The following RUNX1 variants were observed in gnomAD, a reference collection of about 807,000 sequenced individuals.
The protein encoded by RUNX1 is RUNX family transcription factor 1.
Under a neutral mutation model 42.8 loss-of-function variants are expected in RUNX1, and 19 were observed. That is an observed-to-expected ratio of 0.44 (90% CI 0.31 to 0.65). The LOEUF (loss-of-function observed/expected upper bound fraction) is 0.65. RUNX1 is among the 30% of genes least tolerant of loss of function. RUNX1 has a pLI of 0.07. For synonymous variants in RUNX1, 271 were observed against 289.4 expected, an observed-to-expected ratio of 0.94 and a Z score of 0.64; for missense variants, 528 against 672.0, an observed-to-expected ratio of 0.79 and a Z score of 2.37.
intron 2 of RUNX1, among the ~76,000 whole-genome samples, chr21:35,021,494 G>C (rs562046374): frequency 1.3e-5 from 2 of 152,164 alleles, no homozygotes; most frequent in Non-Finnish European, 2.9e-5. Flanking sequence ...AGCACTATGC[G>C]TGTGCACATA....
Position 34,792,710 on chromosome 21 carries a change from TAGG to T in RUNX1, c.968-103_968-101del, listed in dbSNP as rs2056465214. 1.6e-6 allele frequency: 2 copies of T among 1,218,502 alleles called. No homozygotes were observed. The highest frequency in any genetic ancestry group is 3.0e-5 in the African/African-American group (2 of 65,676). The allele number at this position is 1,218,502 out of a possible 1,614,324, so 75.5% of individuals were successfully genotyped here. ...GGGGGCTACCCAGGATGATACCGCC[TAGG>T]AGGATGGGAAGCCACCCAGGATGCT... On this transcript the variant is annotated intron_variant, in intron 8 of 8. Transcript: ENST00000675419. This position sits in a 1 kb window ranked among gnomAD's most constrained non-coding sequence, Gnocchi z 6.9.
At chr21:35,041,771 T>C (rs1425278692) in intron 2 of RUNX1, among the ~76,000 whole-genome samples, 1 of 151,942 alleles carries the variant, frequency 6.6e-6, no homozygotes, top group African/African-American at 2.4e-5. Flanking sequence ...CATCTGTAAC[T>C]TGCAGAAATT....
chr21:34,958,651 A>C (rs2058662292), intron 2 of RUNX1, among the ~76,000 whole-genome samples: 1 of 152,246 alleles, frequency 6.6e-6, no homozygotes, highest in South Asian at 2.1e-4. Flanking sequence ...GTGATTCCTC[A>C]GGGATCTAGA....
intron 2 of RUNX1, among the ~76,000 whole-genome samples, chr21:34,897,423 G>A (rs2146472419): frequency 6.6e-6 from 1 of 152,316 alleles, no homozygotes; most frequent in Middle Eastern, 3.4e-3. Context: ...GCACAGTTCT[G>A]CAGGATTAAG....
In RUNX1 at chr21:34,859,580, T is replaced by C. The variant is rs2146237049; in HGVS notation, c.509-2A>G. On this transcript the variant is annotated splice_acceptor_variant, in intron 5 of 8. Coordinates refer to ENST00000675419, the MANE Select transcript of RUNX1 (RefSeq NM_001754.5). LOFTEE classifies it high-confidence loss of function. ...TGATGGTCAGAGTGAAGCTTTTCCC[T>C]GTGGGGACACGATAGAGAACAAAAC... The C allele has an allele frequency of 6.2e-7, 1 of 1,611,068 alleles. No homozygotes were observed. Among genetic ancestry groups the C allele is most frequent in the Non-Finnish European group, 8.5e-7 (1 of 1,177,186 alleles).
chr21:34,938,604 C>G (rs2058503884), intron 2 of RUNX1, among the ~76,000 whole-genome samples: 2 of 151,988 alleles, frequency 1.3e-5, no homozygotes, highest in East Asian at 3.9e-4. Flanking sequence ...GAAATTAATG[C>G]TTTGCTATAT....
At chr21:35,043,590 C>G (rs1382515116) in intron 2 of RUNX1, among the ~76,000 whole-genome samples, 2 of 152,188 alleles carry the variant, frequency 1.3e-5, no homozygotes, top group Non-Finnish European at 2.9e-5. Context: ...TATGGTACCT[C>G]TTTCTGATGC....
At chr21:34,808,273 C>T (rs888574156) in intron 7 of RUNX1, among the ~76,000 whole-genome samples, 6 of 152,170 alleles carry the variant, frequency 3.9e-5, no homozygotes, top group African/African-American at 7.2e-5. Flanking sequence ...CAGACCAAGC[C>T]GGGGCAGAAC....
chr21:34,930,287 T>TAA (rs914426351), intron 2 of RUNX1, among the ~76,000 whole-genome samples: 7 of 142,960 alleles, frequency 4.9e-5, no homozygotes, highest in African/African-American at 1.9e-4. Flanking sequence ...TATATATATA[T>TAA]ATATAAATAA....
At chr21:34,884,171 C>T (rs2057946674) in intron 4 of RUNX1, among the ~76,000 whole-genome samples, 1 of 152,138 alleles carries the variant, frequency 6.6e-6, no homozygotes, top group South Asian at 2.1e-4. Context: ...TAGTAAAAAA[C>T]ATGTATCTCT....
intron 2 of RUNX1, among the ~76,000 whole-genome samples, chr21:34,894,910 CACACACACACACACACACAT>C (rs976807044): frequency 4.8e-5 from 7 of 145,944 alleles, no homozygotes; most frequent in African/African-American, 1.6e-4. Context: ...CACACACACA[CACACACACACACACACACAT>C]ATTCATATCT....
At chr21:34,946,504 T>C (rs2058564116) in intron 2 of RUNX1, among the ~76,000 whole-genome samples, 4 of 152,170 alleles carry the variant, frequency 2.6e-5, no homozygotes, top group Admixed American at 2.6e-4. Context: ...GACTTCCTCT[T>C]TTGGTGATGT....
chr21:34,876,206 C>T (rs1017843702), intron 5 of RUNX1, among the ~76,000 whole-genome samples: 3 of 152,178 alleles, frequency 2.0e-5, no homozygotes, highest in Admixed American at 6.5e-5. Flanking sequence ...GCCCCCTCCC[C>T]TTTACCCGTG....
intron 7 of RUNX1, among the ~76,000 whole-genome samples, chr21:34,807,965 C>T (rs995749983): frequency 3.3e-5 from 5 of 152,242 alleles, no homozygotes; most frequent in African/African-American, 1.2e-4. Flanking sequence ...TTTCCTCTGG[C>T]CTCTGCAGCA....
Position 35,039,603 on chromosome 21 carries a change from AT to A in RUNX1, c.58+9238del, listed in dbSNP as rs1284165156. 2.0e-5 allele frequency among the ~76,000 whole-genome samples: 3 copies of A among 152,286 alleles called. No individual in the cohort carries two copies. In the East Asian group the frequency reaches 5.8e-4, roughly 29 times the overall value. ...AGTTCATATGTCTCAGGGTTCACTTATTTTTTAAACAGATTTATTCACATCT... is the reference window on the plus strand; with the variant it reads ...AGTTCATATGTCTCAGGGTTCACTTATTTTTAAACAGATTTATTCACATCT... On this transcript the variant is annotated intron_variant, in intron 2 of 8. Transcript: ENST00000675419.
chr21:34,857,561 A>G (rs1327327353), intron 6 of RUNX1, among the ~76,000 whole-genome samples: 1 of 152,248 alleles, frequency 6.6e-6, no homozygotes, highest in Non-Finnish European at 1.5e-5. Context: ...CGGCATTTCA[A>G]CTGTCCCAGA....
intron 7 of RUNX1, among the ~76,000 whole-genome samples, chr21:34,807,773 G>A (rs537607909): frequency 6.6e-6 from 1 of 152,322 alleles, no homozygotes; most frequent in Admixed American, 6.5e-5. Context: ...CACTGTCTGG[G>A]ACCCCTGGGA....
Position 34,993,158 on chromosome 21 carries a change from C to T in RUNX1, c.58+55684G>A, listed in dbSNP as rs377577832. ...TCTAGGGTGACTGCTTTGAGGAAGA[C>T]GTGGCAATTTCAGAAGCTTTTTAAA... On this transcript the variant is annotated intron_variant, in intron 2 of 8. Coordinates refer to ENST00000675419, the MANE Select transcript of RUNX1 (RefSeq NM_001754.5). 2.4e-4 allele frequency among the ~76,000 whole-genome samples: 37 copies of T among 152,310 alleles called. No homozygotes were observed. The South Asian group carries it at 6.4e-3, about 26-fold the overall frequency.
chr21:34,802,775 C>T (rs1194526248), intron 7 of RUNX1, among the ~76,000 whole-genome samples: 2 of 152,074 alleles, frequency 1.3e-5, no homozygotes, highest in Non-Finnish European at 2.9e-5. Context: ...AAGCACCGAA[C>T]TCAAATCACA....
Sources: allele counts gnomAD v4.1 joint callset (sites outside exome capture counted in the v4.1 genomes callset), GRCh38; gene constraint gnomAD v4.1.1; non-coding constraint Gnocchi (gnomAD v3.1); transcripts MANE v1.5; gene names NCBI Gene and HGNC (gene_info 2026-07-23, HGNC 2026-07-21).